Variants in TRAPPC9 observed in about 807,000 individuals in gnomAD.
TRAPPC9 encodes trafficking protein particle complex subunit 9, also known as IKK2 binding protein.
In TRAPPC9, 83 loss-of-function variants were observed where a neutral mutation model predicts 124.0. The ratio of observed to expected loss-of-function variants is 0.67; its 90% CI spans 0.56 to 0.80. TRAPPC9 has a LOEUF of 0.80. Ranked by LOEUF, TRAPPC9 falls within the 30% of genes least tolerant of loss-of-function variation. The pLI, the probability that TRAPPC9 is intolerant of heterozygous loss-of-function variation, is 0.00. For synonymous variants in TRAPPC9, 638 were observed against 617.5 expected, an observed-to-expected ratio of 1.03 and a Z score of -0.49; for missense variants, 1,302 against 1,508.3, an observed-to-expected ratio of 0.86 and a Z score of 2.27.
intron 13 of TRAPPC9, 37 bp downstream of exon 13, chr8:140,287,571 C>A: frequency 1.2e-6 from 2 of 1,613,642 alleles, no homozygotes; most frequent in Non-Finnish European, 1.7e-6. Context: ...GTTCAGCAGA[C>A]CCTCCTGAGC....
At chr8:139,925,557 G>C (rs1832758308) in intron 19 of TRAPPC9, among the ~76,000 whole-genome samples, 1 of 152,044 alleles carries the variant, frequency 6.6e-6, no homozygotes, top group African/African-American at 2.4e-5. Flanking sequence ...AGACCAGCCT[G>C]GGTAACATAG....
Position 139,730,660 on chromosome 8 carries a change from T to G in TRAPPC9, c.*401A>C. On this transcript the variant is annotated 3_prime_UTR_variant, in exon 23 of 23. Coordinates refer to ENST00000438773, the MANE Select transcript of TRAPPC9 (RefSeq NM_001160372.4). ...GCTGTGCCCAGTCTCATGCTCACCA[T>G]TTCTTTCTATGGCCAAAGGGAAGTC... is the stretch of plus-strand genomic sequence containing the variant. 1 of 235,316 alleles carries G rather than the reference T, an allele frequency of 4.2e-6. No homozygotes were observed. The highest frequency in any genetic ancestry group is 8.4e-6 in the Non-Finnish European group (1 of 118,798). The allele number at this position is 235,316 out of a possible 1,614,324, so 14.6% of individuals were successfully genotyped here. A position where few individuals can be genotyped will look rare whatever the true frequency, so the allele number is the denominator to read the frequency against.
chr8:140,253,825 T>A (rs1032596099), intron 15 of TRAPPC9, among the ~76,000 whole-genome samples: 6 of 152,362 alleles, frequency 3.9e-5, no homozygotes, highest in African/African-American at 1.4e-4. Context: ...GCCTTGACTT[T>A]GGTGCCTTTT....
chr8:139,954,664 G>A (rs568367958), intron 19 of TRAPPC9, among the ~76,000 whole-genome samples: 4 of 152,308 alleles, frequency 2.6e-5, no homozygotes, highest in Non-Finnish European at 4.4e-5. Flanking sequence ...CTGTGTTTGC[G>A]TTTGTGTCTT....
intron 5 of TRAPPC9, among the ~76,000 whole-genome samples, chr8:140,406,709 G>A (rs562356744): frequency 2.6e-5 from 4 of 152,298 alleles, no homozygotes; most frequent in East Asian, 1.9e-4. Context: ...AAAGGAGAAC[G>A]AAGCATTTCA....
chr8:140,247,843 GA>G (rs943218405), intron 16 of TRAPPC9, among the ~76,000 whole-genome samples: 7 of 150,890 alleles, frequency 4.6e-5, no homozygotes, highest in East Asian at 1.9e-4. Flanking sequence ...TACAATGCTG[GA>G]AAAAAAAATT....
intron 16 of TRAPPC9, among the ~76,000 whole-genome samples, chr8:140,246,704 C>T (rs2063995452): frequency 6.6e-6 from 1 of 151,870 alleles, no homozygotes; most frequent in Non-Finnish European, 1.5e-5. Context: ...CTTTTGGGGC[C>T]GGGCATGGTG....
chr8:139,925,795 A>C (rs1261035346), intron 19 of TRAPPC9, among the ~76,000 whole-genome samples: 1 of 131,436 alleles, frequency 7.6e-6, no homozygotes, highest in Non-Finnish European at 1.6e-5. Flanking sequence ...CTGGGGTTTG[A>C]CTACCCAGCA....
chr8:140,311,226 G>T, intron 10 of TRAPPC9, 22 bp downstream of exon 10: 1 of 1,607,618 alleles, frequency 6.2e-7, no homozygotes, highest in South Asian at 1.1e-5. Context: ...CTGCCTTTCC[G>T]GCTCTGCAGT....
intron 21 of TRAPPC9, among the ~76,000 whole-genome samples, chr8:139,837,902 C>T (rs1253359524): frequency 2.0e-5 from 3 of 152,142 alleles, no homozygotes; most frequent in Admixed American, 6.5e-5. Flanking sequence ...GCTCCTGGCC[C>T]GGTGGCTACA....
intron 19 of TRAPPC9, among the ~76,000 whole-genome samples, chr8:139,912,672 T>C (rs1047641843): frequency 4.6e-5 from 7 of 152,240 alleles, no homozygotes; most frequent in Non-Finnish European, 1.0e-4. Context: ...TTGCTAGTAA[T>C]AGGCAAAATG....
chr8:139,998,864 T>C (rs1258770542), intron 18 of TRAPPC9, among the ~76,000 whole-genome samples: 2 of 152,020 alleles, frequency 1.3e-5, no homozygotes, highest in East Asian at 1.9e-4. Flanking sequence ...AGGGGAAAGA[T>C]AAAAGCGCCT....
rs764517032 is a variant in TRAPPC9 at position 140,221,495 on chromosome 8, G to A, written c.2520C>T (p.Pro840=). 21 of 1,614,076 alleles carry A rather than the reference G, an allele frequency of 1.3e-5. No homozygotes were observed. The highest frequency in any genetic ancestry group is 3.3e-4 in the Middle Eastern group (2 of 6,062). The part of the protein sequence containing the change: ...PRVEGKPVNP[P]ESNKAGDYSH... ...TGTAGTCGCCTGCTTTGTTGCTCTC[G>A]GGTGGGTTCACAGGTTTGCCCTCCA... Residue 840 remains proline (P), a synonymous_variant, in exon 17 of 23, where the codon CCC becomes CCT. Coordinates refer to ENST00000438773, the MANE Select transcript of TRAPPC9 (RefSeq NM_001160372.4).
chr8:139,821,566 G>T (rs988557479), intron 21 of TRAPPC9, among the ~76,000 whole-genome samples: 4 of 152,364 alleles, frequency 2.6e-5, no homozygotes, highest in Non-Finnish European at 5.9e-5. Flanking sequence ...CTACCCCAGG[G>T]TCCAGACCGG....
chr8:140,211,776 G>C (rs1193298941), intron 17 of TRAPPC9, among the ~76,000 whole-genome samples: 1 of 152,188 alleles, frequency 6.6e-6, no homozygotes, highest in African/African-American at 2.4e-5. Flanking sequence ...ACCCCATGGA[G>C]AGGGGCTGTC....
chr8:140,139,074 A>G (rs2061345305), intron 17 of TRAPPC9, among the ~76,000 whole-genome samples: 1 of 152,200 alleles, frequency 6.6e-6, no homozygotes, highest in Non-Finnish European at 1.5e-5. Context: ...CATCACACCC[A>G]TTCTAGAAAG....
intron 4 of TRAPPC9, among the ~76,000 whole-genome samples, chr8:140,433,354 C>A (rs1044641111): frequency 6.6e-6 from 1 of 152,018 alleles, no homozygotes; most frequent in African/African-American, 2.4e-5. Context: ...TTTGGGAGGC[C>A]GAGGCAGGCA....
chr8:139,815,699 T>G (rs1824782837), intron 21 of TRAPPC9, among the ~76,000 whole-genome samples: 1 of 152,166 alleles, frequency 6.6e-6, no homozygotes, highest in South Asian at 2.1e-4. Flanking sequence ...AAGCACTCAC[T>G]AACATTCAAC....
intron 17 of TRAPPC9, among the ~76,000 whole-genome samples, chr8:140,195,315 G>A (rs549658584): frequency 4.5e-4 from 68 of 149,566 alleles, no homozygotes; most frequent in Middle Eastern, 3.7e-3. Context: ...ACGATCCATC[G>A]TACAGATCAC....
Sources: gnomAD v4.1 joint callset for allele counts (sites outside exome capture counted in the v4.1 genomes callset) on GRCh38, gnomAD v4.1.1 for gene constraint, MANE v1.5 for transcripts, NCBI Gene and HGNC (gene_info 2026-07-23, HGNC 2026-07-21) for gene names.